Variants in KCTD15 observed in about 807,000 individuals in gnomAD.
KCTD15 encodes BTB/POZ domain-containing protein KCTD15.
A neutral mutation model predicts 27.2 loss-of-function variants in KCTD15; 11 were observed. The ratio of observed to expected loss-of-function variants is 0.41; its 90% confidence interval spans 0.25 to 0.67. KCTD15 has a LOEUF of 0.67. KCTD15 is among the 30% of genes least tolerant of loss of function. KCTD15 has a pLI of 0.35. For synonymous variants in KCTD15, 163 were observed against 176.0 expected (o/e 0.93, Z 0.58); for missense variants, 350 against 409.3 (o/e 0.86, Z 1.25).
At chr19:33,802,052 G>A (rs1451244758) in intron 4 of KCTD15, among the ~76,000 whole-genome samples, 1 of 152,200 alleles carries the variant, frequency 6.6e-6, no homozygotes, top group Non-Finnish European at 1.5e-5. Context: ...GCCTGCGAGA[G>A]GTTTGGGGTG....
Position 33,813,087 on chromosome 19 carries a change from G to T in KCTD15, c.*139G>T. On this transcript the variant is annotated 3_prime_UTR_variant, in exon 7 of 7. Transcript: ENST00000683859. Reference sequence around the variant, plus strand: ...CAAAGCTGGCCCAGCGAGCACCAGGGTCCCAGGTGTCATGGCAACAGAACG... The same window carrying T: ...CAAAGCTGGCCCAGCGAGCACCAGGTTCCCAGGTGTCATGGCAACAGAACG... 2.4e-6 allele frequency: 2 copies of T among 832,408 alleles called. No homozygotes were observed. Among genetic ancestry groups the T allele is most frequent in the South Asian group, 3.2e-5 (2 of 61,670 alleles). 51.6% of individuals were successfully genotyped at this position (832,408 alleles called of 1,614,324 possible).
chr19:33,797,815 A>T (rs1975391185), intron 1 of KCTD15, among the ~76,000 whole-genome samples: 3 of 152,182 alleles, frequency 2.0e-5, no homozygotes, highest in African/African-American at 7.2e-5. Context: ...CATTAGTTTC[A>T]ATTAATTTTT....
chr19:33,810,952 C>CT (rs1371171139), intron 5 of KCTD15, among the ~76,000 whole-genome samples: 2 of 152,060 alleles, frequency 1.3e-5, no homozygotes, highest in Non-Finnish European at 2.9e-5. Context: ...GCTTCCAGGT[C>CT]TTTCCATGGG....
chr19:33,801,895 G>T (rs1380884655), intron 4 of KCTD15: 1 of 152,342 alleles, frequency 6.6e-6, no homozygotes, highest in Non-Finnish European at 1.5e-5. Context: ...CTAGCAGCAG[G>T]CTTCCCTTGG....
chr19:33,812,216 TCA>T (rs1975947976), intron 6 of KCTD15: 1 of 1,071,712 alleles, frequency 9.3e-7, no homozygotes, highest in African/African-American at 1.7e-5. Flanking sequence ...GACCTCACCC[TCA>T]CAGAGGCACA....
intron 5 of KCTD15, among the ~76,000 whole-genome samples, chr19:33,809,402 A>G (rs918681189): frequency 9.2e-5 from 14 of 152,256 alleles, no homozygotes; most frequent in African/African-American, 3.4e-4. Flanking sequence ...GGCCTCTTGC[A>G]GGTGCCCCGG....
At chr19:33,812,207 A>G (rs1975947653) in intron 6 of KCTD15, 2 of 1,087,442 alleles carry the variant, frequency 1.8e-6, no homozygotes, top group African/African-American at 3.3e-5. Context: ...CAGTCATCAG[A>G]CCTCACCCTC....
chr19:33,797,493 C>T (rs760397625), intron 1 of KCTD15: 21 of 406,462 alleles, frequency 5.2e-5, no homozygotes, highest in Non-Finnish European at 1.0e-4. Flanking sequence ...CCCACGAGTC[C>T]GAAACCTGGC....
Position 33,809,636 on chromosome 19 carries a change from C to T in KCTD15, c.388-1611C>T, listed in dbSNP as rs114701324. Among the ~76,000 whole-genome samples, 327 of 152,228 alleles carry T rather than the reference C, an allele frequency of 2.1e-3. 1 individual carries two copies. The highest frequency in any genetic ancestry group is 7.3e-3 in the African/African-American group (304 of 41,548). ...CCTGTAATCCCAGTGCTTTGGGAGG[C>T]CAAGCAGGAGGATCATTTGATCCCA... On this transcript the variant is annotated intron_variant, in intron 5 of 6. Transcript: ENST00000683859.
At chr19:33,812,557 G>A (rs568630368) in intron 6 of KCTD15, 27 of 1,260,684 alleles carry the variant, frequency 2.1e-5, no homozygotes, top group Middle Eastern at 3.0e-4. Flanking sequence ...GGGTGGGGTC[G>A]TCCAACTAGG....
rs148633326 is a variant in KCTD15, at chr19:33,800,519, C to T, written c.65C>T (p.Ala22Val). ...CACACACACGGCAGCACCGGCACCGCGGTGAGCCTGCAGGGTGGGCTGGGT... is the reference window on the plus strand; with the variant it reads ...CACACACACGGCAGCACCGGCACCGTGGTGAGCCTGCAGGGTGGGCTGGGT... ...SLHTHGSTGT[A>V]EGGNMSRLSL... Residue 22 changes from alanine (A) to valine (V), a missense_variant and splice_region_variant, in exon 3 of 7, where the codon GCG (alanine) becomes GTG (valine). By Grantham distance (64) the Ala-to-Val change is moderately conservative. Transcript: ENST00000683859. 125 of 1,592,124 alleles carry T rather than the reference C, an allele frequency of 7.9e-5. No homozygotes were observed. In the South Asian group the frequency reaches 1.1e-3, roughly 14 times the overall value.
upstream of KCTD15, among the ~76,000 whole-genome samples, chr19:33,795,371 CCCA>C (rs1378022780): frequency 1.3e-5 from 2 of 152,126 alleles, no homozygotes; most frequent in Non-Finnish European, 2.9e-5. Context: ...GAAAGCCCCC[CCCA>C]CTTCACCTTC....
intron 1 of KCTD15, 124 bp from the exon 2 acceptor site, chr19:33,798,544 A>G (rs1975429942): frequency 6.6e-6 from 1 of 152,434 alleles, no homozygotes; most frequent in Non-Finnish European, 1.5e-5. Context: ...CCCGACCGCT[A>G]TCGCTGAGGC....
intron 4 of KCTD15, among the ~76,000 whole-genome samples, chr19:33,803,564 T>G (rs890214459): frequency 6.6e-5 from 10 of 151,984 alleles, no homozygotes; most frequent in African/African-American, 2.2e-4. Flanking sequence ...TGGGGTGGCC[T>G]GGGTGCTGGA....
chr19:33,805,210 C>T (rs939888624), intron 4 of KCTD15, among the ~76,000 whole-genome samples: 5 of 152,182 alleles, frequency 3.3e-5, no homozygotes, highest in East Asian at 3.9e-4. Flanking sequence ...GTGTGAGCCA[C>T]GGTGCCCAGC....
At position 33,812,872 on chromosome 19, in the gene KCTD15, A is replaced by T. The variant is rs922324259; in HGVS notation, c.776A>T (p.Tyr259Phe). 1.3e-6 allele frequency: 2 copies of T among 1,549,646 alleles called. No homozygotes were observed. Among genetic ancestry groups the T allele is most frequent in the Non-Finnish European group, 1.7e-6 (2 of 1,146,098 alleles). The change falls in exon 7 of 7, where the codon TAT becomes TTT. Residue 259 changes from tyrosine (Y) to phenylalanine (F), a missense_variant. Around this residue, in one of 3 missense-constraint regions of KCTD15, gnomAD observed 219 missense variants for 234.9 expected, o/e 0.93. Transcript: ENST00000683859. ...GGVDSSQFSE[Y>F]VLCREERRPQ... ...GTGGACTCCTCCCAGTTCAGCGAGT[A>T]TGTGCTTTGCCGGGAGGAGCGGCGG...
At chr19:33,795,075 C>A (rs1318257312), upstream of KCTD15, among the ~76,000 whole-genome samples, 5 of 152,208 alleles carry the variant, frequency 3.3e-5, no homozygotes, top group Admixed American at 3.3e-4. Context: ...AGCTCAAAAT[C>A]CATAAATTAA....
upstream of KCTD15, chr19:33,796,625 C>A (rs1239282770): frequency 1.3e-5 from 2 of 150,530 alleles, no homozygotes; most frequent in Non-Finnish European, 1.5e-5. Flanking sequence ...CTCCAGCAAT[C>A]GAGGGAGGCC....
intron 5 of KCTD15, among the ~76,000 whole-genome samples, chr19:33,810,682 A>C (rs892012241): frequency 2.5e-4 from 35 of 139,010 alleles, no homozygotes; most frequent in Non-Finnish European, 4.2e-4. Flanking sequence ...AAACAAAAAA[A>C]AAAAACAAAA....
Sources: allele counts gnomAD v4.1 joint callset (sites outside exome capture counted in the v4.1 genomes callset), GRCh38; gene constraint gnomAD v4.1.1; regional missense constraint gnomAD v4.1.1; transcripts MANE v1.5; gene names NCBI Gene and HGNC (gene_info 2026-07-23, HGNC 2026-07-21).